The following CADPS2 variants were observed in gnomAD, a reference collection of about 807,000 sequenced individuals.
The protein encoded by CADPS2 is calcium-dependent secretion activator 2.
A neutral mutation model predicts 172.5 loss-of-function variants in CADPS2; 93 were observed. That is an observed-to-expected ratio of 0.54 (90% CI 0.46 to 0.64). The LOEUF is 0.64. Ranked by LOEUF, CADPS2 falls within the 30% of genes least tolerant of loss-of-function variation. CADPS2 has a pLI of 0.00. For synonymous variants in CADPS2, 546 were observed against 555.2 expected (o/e 0.98, Z 0.23); for missense variants, 1,420 against 1,565.9 (o/e 0.91, Z 1.57).
intron 25 of CADPS2, among the ~76,000 whole-genome samples, chr7:122,376,082 T>C (rs541085986): frequency 2.2e-3 from 332 of 152,160 alleles, no homozygotes; most frequent in Middle Eastern, 6.8e-3. Context: ...ACCCAAAAGA[T>C]AACAGGTATT....
chr7:122,750,301 G>A (rs2092898007), intron 1 of CADPS2, among the ~76,000 whole-genome samples: 1 of 152,010 alleles, frequency 6.6e-6, no homozygotes, highest in African/African-American at 2.4e-5. Context: ...CATCAGTGCA[G>A]AATAAATTTT....
intron 3 of CADPS2, among the ~76,000 whole-genome samples, chr7:122,631,418 G>A (rs542549437): frequency 3.3e-5 from 5 of 152,052 alleles, no homozygotes; most frequent in Admixed American, 6.6e-5. Context: ...TGGTAGTTTT[G>A]TTTGTAAGAG....
chr7:122,870,420 T>C (rs1819464615), intron 1 of CADPS2, among the ~76,000 whole-genome samples: 2 of 151,980 alleles, frequency 1.3e-5, no homozygotes, highest in Non-Finnish European at 2.9e-5. Flanking sequence ...ATTGTAAATA[T>C]ATGTGCATAG....
intron 8 of CADPS2, among the ~76,000 whole-genome samples, chr7:122,514,460 A>T (rs534174016): frequency 5.3e-5 from 8 of 152,112 alleles, no homozygotes; most frequent in Non-Finnish European, 1.0e-4. Flanking sequence ...TTTGCAAAAC[A>T]TAACAAACAT....
intron 28 of CADPS2, among the ~76,000 whole-genome samples, chr7:122,328,161 G>A (rs62473064): frequency 9.9e-4 from 32 of 32,188 alleles, no homozygotes; most frequent in South Asian, 6.9e-3. Context: ...ACACACACAC[G>A]CACGCACACA....
chr7:122,824,063 G>A (rs1309329373), intron 1 of CADPS2, among the ~76,000 whole-genome samples: 1 of 152,022 alleles, frequency 6.6e-6, no homozygotes, highest in East Asian at 1.9e-4. Context: ...CCTTTGATCT[G>A]CAGTTAATGG....
chr7:122,379,381 AG>A lies in CADPS2; in HGVS notation c.3373del (p.Leu1125CysfsTer2). 1 of 1,593,844 alleles carries A rather than the reference AG, an allele frequency of 6.3e-7. No individual in the cohort carries two copies. Among genetic ancestry groups the A allele is most frequent in the Non-Finnish European group, 8.6e-7 (1 of 1,164,596 alleles). On this transcript the variant is annotated frameshift_variant, in exon 25 of 30. Transcript: ENST00000449022. LOFTEE classifies it high-confidence loss of function. Reference sequence around the variant, plus strand: ...ATAATACATTACCTTTGAAACTAACAGTGAAATGATTTCTTTTACACTGTTG... The same window carrying A: ...ATAATACATTACCTTTGAAACTAACATGAAATGATTTCTTTTACACTGTTG... ...IDNSVKEIIS[L>X]LVSKFVSVLE...
intron 6 of CADPS2, among the ~76,000 whole-genome samples, chr7:122,584,793 C>A (rs1054257349): frequency 5.3e-5 from 8 of 151,868 alleles, no homozygotes; most frequent in African/African-American, 9.7e-5. Flanking sequence ...GAATTTCTCT[C>A]TATATATATC....
intron 12 of CADPS2, among the ~76,000 whole-genome samples, chr7:122,477,034 AGAGGAGAG>A (rs1387326108): frequency 1.1e-5 from 1 of 88,594 alleles, no homozygotes; most frequent in Non-Finnish European, 2.1e-5. Context: ...AGAGGAGAGG[AGAGGAGAG>A]GAGAGAGAGA....
At chr7:122,678,210 A>G (rs1264524954) in intron 2 of CADPS2, among the ~76,000 whole-genome samples, 1 of 152,226 alleles carries the variant, frequency 6.6e-6, no homozygotes, top group Non-Finnish European at 1.5e-5. Flanking sequence ...CAAGGACTTC[A>G]AAGTCCATTT....
At chr7:122,846,726 C>A (rs1812082736) in intron 1 of CADPS2, among the ~76,000 whole-genome samples, 1 of 152,060 alleles carries the variant, frequency 6.6e-6, no homozygotes, top group South Asian at 2.1e-4. Context: ...TCCCAGGAAA[C>A]AAAACACAAA....
At chr7:122,635,769 T>G (rs1271349235) in intron 3 of CADPS2, among the ~76,000 whole-genome samples, 1 of 152,220 alleles carries the variant, frequency 6.6e-6, no homozygotes, top group Non-Finnish European at 1.5e-5. Flanking sequence ...ACCCATTTTA[T>G]GAATCTTTGT....
intron 22 of CADPS2, among the ~76,000 whole-genome samples, chr7:122,391,758 T>C (rs1038228860): frequency 1.2e-4 from 19 of 152,222 alleles, no homozygotes; most frequent in African/African-American, 4.3e-4. Flanking sequence ...TCCTATTTCT[T>C]TTCTTGATTG....
chr7:122,808,136 T>C (rs909944948), intron 1 of CADPS2, among the ~76,000 whole-genome samples: 1 of 152,168 alleles, frequency 6.6e-6, no homozygotes, highest in African/African-American at 2.4e-5. Context: ...CAAGTCTTGG[T>C]ACTAGGAGTG....
At chr7:122,881,890 C>A (rs903369207) in intron 1 of CADPS2, among the ~76,000 whole-genome samples, 12 of 152,138 alleles carry the variant, frequency 7.9e-5, no homozygotes, top group Non-Finnish European at 1.5e-4. Context: ...AAGTAAAAGA[C>A]CCTTTCACAT....
rs34217280 is a variant in CADPS2, at chr7:122,669,355, ATT to A, written c.454-5788_454-5787del. Among the ~76,000 whole-genome samples, 86 of 139,504 alleles carry A rather than the reference ATT, an allele frequency of 6.2e-4. 1 individual carries two copies. Among genetic ancestry groups the A allele is most frequent in the African/African-American group, 1.7e-3 (63 of 37,562 alleles). 91.5% of individuals were successfully genotyped at this position (139,504 alleles called of 152,430 possible). A position where few individuals can be genotyped will look rare whatever the true frequency, so the allele number is the denominator to read the frequency against. On this transcript the variant is annotated intron_variant, in intron 2 of 29. Coordinates refer to ENST00000449022, the MANE Select transcript of CADPS2 (RefSeq NM_017954.11). ...AAAGAAAAAATATATATATATATAT[ATT>A]TTTTTTTTTTGAGAAAAAGTAATTA...
intron 25 of CADPS2, among the ~76,000 whole-genome samples, chr7:122,374,142 G>A (rs771828503): frequency 1.3e-5 from 2 of 151,964 alleles, no homozygotes; most frequent in African/African-American, 2.4e-5. Context: ...TAGAATGAAG[G>A]ATAAAAATCA....
chr7:122,374,444 G>A (rs2042113050), intron 25 of CADPS2, among the ~76,000 whole-genome samples: 1 of 151,654 alleles, frequency 6.6e-6, no homozygotes. Flanking sequence ...AATAAGTAAA[G>A]AAGAAAAAGA....
intron 8 of CADPS2, among the ~76,000 whole-genome samples, chr7:122,519,528 T>A (rs1453688311): frequency 6.6e-6 from 1 of 152,088 alleles, no homozygotes; most frequent in Non-Finnish European, 1.5e-5. Flanking sequence ...TCAGTCAGTA[T>A]AAACATAGCA....
Sources: allele counts gnomAD v4.1 joint callset (sites outside exome capture counted in the v4.1 genomes callset), GRCh38; gene constraint gnomAD v4.1.1; transcripts MANE v1.5; gene names NCBI Gene and HGNC (gene_info 2026-07-23, HGNC 2026-07-21).